The following VWA3B variants were observed in gnomAD, a reference collection of about 807,000 sequenced individuals.
VWA3B encodes von Willebrand factor A domain containing 3B.
In VWA3B, 138 loss-of-function variants were observed where a neutral mutation model predicts 158.3. The observed-to-expected ratio is 0.87, with a 90% CI of 0.76 to 1.00. The LOEUF (loss-of-function observed/expected upper bound fraction) is 1.00, where lower values mean the gene tolerates loss of function less well. Ranked by LOEUF, VWA3B falls within the 50% of genes least tolerant of loss-of-function variation. The probability of loss-of-function intolerance (pLI) is 0.00; values close to 1 mark genes in which losing one functional copy is unlikely to be tolerated. For missense variants in VWA3B, 1,555 were observed against 1,565.1 expected, an observed-to-expected ratio of 0.99 and a Z score of 0.11; for synonymous variants, 596 against 587.3, an observed-to-expected ratio of 1.01 and a Z score of -0.21.
Position 98,312,227 on chromosome 2 carries a change from G to C in VWA3B, c.3763G>C (p.Gly1255Arg). The change falls in exon 28 of 28, where the codon GGG becomes CGG. Residue 1255 changes from glycine (G) to arginine (R), a missense_variant. By Grantham distance (125) the Gly-to-Arg change is moderately radical. Coordinates refer to ENST00000477737, the MANE Select transcript of VWA3B (RefSeq NM_144992.5). The part of the protein sequence containing the change: ...RTAHLHFPAA[G>R]RLGLSSHAII... ...AGCCCACCTCCACTTCCCCGCGGCCGGGCGTCTAGGACTCAGCAGCCACGC... is the reference window on the plus strand; with the variant it reads ...AGCCCACCTCCACTTCCCCGCGGCCCGGCGTCTAGGACTCAGCAGCCACGC... 2 of 1,614,074 alleles carry C rather than the reference G, an allele frequency of 1.2e-6. No homozygotes were observed. The highest frequency in any genetic ancestry group is 1.7e-6 in the Non-Finnish European group (2 of 1,180,006).
At position 98,187,842 on chromosome 2, in the gene VWA3B, C is replaced by G. The variant is rs1574027368; in HGVS notation, c.1312-133C>G. On this transcript the variant is annotated intron_variant, in intron 9 of 27. Transcript: ENST00000477737. ...GGGCAGCGGAACATATTTGGTTGAA[C>G]TAACAAAGGAATGATTGACGGTAGA... 6.2e-6 allele frequency: 6 copies of G among 970,480 alleles called. No homozygotes were observed. In the South Asian group the frequency reaches 1.3e-4, roughly 22 times the overall value. 60.1% of individuals were successfully genotyped at this position (970,480 alleles called of 1,614,324 possible).
rs1690957114 is a variant in VWA3B at position 98,312,283 on chromosome 2, C to A, written c.3819C>A (p.Ala1273=). 1 of 1,614,112 alleles carries A rather than the reference C, an allele frequency of 6.2e-7. No homozygotes were observed. Among genetic ancestry groups the A allele is most frequent in the East Asian group, 2.2e-5 (1 of 44,876 alleles). The change falls in exon 28 of 28, where the codon GCC becomes GCA. Residue 1273 remains alanine, a synonymous_variant. Coordinates refer to ENST00000477737, the MANE Select transcript of VWA3B (RefSeq NM_144992.5). ...AIIATPPPRA[A]LPCTLQATHS... ...TTGCCACACCTCCACCTCGAGCAGCCCTGCCCTGTACTCTCCAAGCCACCC... is the reference window on the plus strand; with the variant it reads ...TTGCCACACCTCCACCTCGAGCAGCACTGCCCTGTACTCTCCAAGCCACCC...
At chr2:98,245,483 C>G (rs1402229898) in intron 19 of VWA3B, 2 of 450,278 alleles carry the variant, frequency 4.4e-6, no homozygotes, top group Non-Finnish European at 8.9e-6. Flanking sequence ...TTTATCTTTC[C>G]CTGGATCTGC....
chr2:98,311,119 T>G (rs2106026539), intron 26 of VWA3B, among the ~76,000 whole-genome samples: 1 of 152,158 alleles, frequency 6.6e-6, no homozygotes, highest in South Asian at 2.1e-4. Context: ...GAAAATAAGG[T>G]TTAACATTAG....
chr2:98,329,359 TCTA>T, the VWA3B span, among the ~76,000 whole-genome samples: 2 of 152,040 alleles, frequency 1.3e-5, no homozygotes, highest in Non-Finnish European at 2.9e-5. Context: ...ATTCGAAACT[TCTA>T]CTCAAAAAAA....
At position 98,227,083 on chromosome 2, in the gene VWA3B, T is replaced by G. The variant is rs894564428; in HGVS notation, c.2020-1119T>G. Among the ~76,000 whole-genome samples, 14 of 152,274 alleles carry G rather than the reference T, an allele frequency of 9.2e-5. No homozygotes were observed. In the South Asian group the frequency reaches 2.9e-3, roughly 32 times the overall value. On this transcript the variant is annotated intron_variant, in intron 14 of 27. Transcript: ENST00000477737. ...GAGAAAGAAATAAAGGGTGTTCAAA[T>G]AGGAAGAGAAGAAGTCAAATTGTCT... is the stretch of plus-strand genomic sequence containing the variant.
At chr2:98,308,977 G>C (rs567858203) in intron 26 of VWA3B, among the ~76,000 whole-genome samples, 1 of 152,186 alleles carries the variant, frequency 6.6e-6, no homozygotes, top group South Asian at 2.1e-4. Flanking sequence ...TTCGAGACCA[G>C]CCTGGCCATT....
intron 11 of VWA3B, 109 bp from the exon 12 acceptor site, chr2:98,194,252 G>C: frequency 8.7e-7 from 1 of 1,144,974 alleles, no homozygotes; most frequent in African/African-American, 1.6e-5. Flanking sequence ...TTTGCTTCTT[G>C]AACTGAAAAT....
the VWA3B span, among the ~76,000 whole-genome samples, chr2:98,321,520 C>T: frequency 6.6e-5 from 10 of 152,154 alleles, no homozygotes; most frequent in African/African-American, 1.2e-4. Context: ...TGCCCAAGGC[C>T]GGGGAAGCTT....
intron 6 of VWA3B, among the ~76,000 whole-genome samples, chr2:98,131,462 C>T (rs1295855491): frequency 6.6e-6 from 1 of 152,114 alleles, no homozygotes; most frequent in Non-Finnish European, 1.5e-5. Flanking sequence ...TGGGTAAATA[C>T]CTGGTAGTGG....
intron 22 of VWA3B, among the ~76,000 whole-genome samples, chr2:98,282,240 A>G (rs1001152993): frequency 3.3e-5 from 5 of 152,014 alleles, no homozygotes; most frequent in African/African-American, 1.2e-4. Flanking sequence ...GGGATGAACC[A>G]TTATACTGAA....
intron 11 of VWA3B, among the ~76,000 whole-genome samples, chr2:98,193,329 T>A (rs1681754798): frequency 1.3e-5 from 2 of 152,168 alleles, no homozygotes; most frequent in Non-Finnish European, 2.9e-5. Context: ...CAGAAACTCC[T>A]CATCTTAGCA....
At chr2:98,202,125 T>C (rs936705116) in intron 12 of VWA3B, among the ~76,000 whole-genome samples, 5 of 152,178 alleles carry the variant, frequency 3.3e-5, no homozygotes, top group Non-Finnish European at 7.4e-5. Context: ...AATTTACCAA[T>C]GAAACCATCT....
intron 20 of VWA3B, among the ~76,000 whole-genome samples, chr2:98,254,479 A>G (rs1209766135): frequency 1.3e-5 from 2 of 152,200 alleles, no homozygotes; most frequent in African/African-American, 4.8e-5. Context: ...GGAAGCCTTA[A>G]TCATTATTAC....
At chr2:98,113,387 T>G (rs1674294600) in intron 2 of VWA3B, among the ~76,000 whole-genome samples, 1 of 152,148 alleles carries the variant, frequency 6.6e-6, no homozygotes, top group Admixed American at 6.5e-5. Context: ...GCCCTCTGTA[T>G]GAGTGGGTTT....
intron 8 of VWA3B, 33 bp from the exon 9 acceptor site, chr2:98,180,983 A>G: frequency 1.2e-6 from 2 of 1,607,470 alleles, no homozygotes; most frequent in Middle Eastern, 1.7e-4. Context: ...TGGCTCATGC[A>G]GTATGAATGG....
At chr2:98,105,111 G>C (rs1036298624) in intron 2 of VWA3B, among the ~76,000 whole-genome samples, 31 of 152,230 alleles carry the variant, frequency 2.0e-4, no homozygotes, top group African/African-American at 7.5e-4. Flanking sequence ...AGGATTTGAG[G>C]TTTCAACTGA....
chr2:98,298,373 GATTCTATTCTATTCTATTCTATTCT>G (rs61254436), intron 24 of VWA3B, among the ~76,000 whole-genome samples: 1,844 of 122,340 alleles, frequency 0.015, 19 homozygotes, highest in Non-Finnish European at 0.021. Context: ...AACTACAAAA[GATTCTATTCTATTCTATTCTATTCT>G]ATTCTATTCT....
chr2:98,102,019 G>A (rs185707053), intron 2 of VWA3B, among the ~76,000 whole-genome samples: 172 of 152,178 alleles, frequency 1.1e-3, no homozygotes, highest in Admixed American at 1.8e-3. Flanking sequence ...AGGTCCCTGC[G>A]GCCTTCCGCA....
Sources: allele counts gnomAD v4.1 joint callset (sites outside exome capture counted in the v4.1 genomes callset), GRCh38; gene constraint gnomAD v4.1.1; transcripts MANE v1.5; gene names NCBI Gene and HGNC (gene_info 2026-07-23, HGNC 2026-07-21).